The following IDO2 variants were observed in gnomAD, a reference collection of about 807,000 sequenced individuals.
The protein encoded by IDO2 is indoleamine 2,3-dioxygenase 2.
IDO2 carries 46 observed loss-of-function variants against 45.1 expected under a neutral mutation model. That is an observed-to-expected ratio of 1.02 (90% CI 0.80 to 1.30). The LOEUF (loss-of-function observed/expected upper bound fraction) is 1.30, where lower values mean the gene tolerates loss of function less well. Ranked by LOEUF, IDO2 falls within the 50% of genes most tolerant of loss-of-function variation. The pLI is 0.00. For synonymous variants in IDO2, 218 were observed against 184.9 expected, an observed-to-expected ratio of 1.18 and a Z score of -1.45; for missense variants, 544 against 491.8, an observed-to-expected ratio of 1.11 and a Z score of -1.00.
intron 1 of IDO2, among the ~76,000 whole-genome samples, chr8:39,946,052 C>T (rs1585395341): frequency 6.6e-6 from 1 of 152,316 alleles, no homozygotes; most frequent in South Asian, 2.1e-4. Context: ...GAAACTGTGG[C>T]TTAGGAGTCA....
chr8:39,948,576 C>T (rs894389026), intron 1 of IDO2, among the ~76,000 whole-genome samples: 28 of 152,130 alleles, frequency 1.8e-4, no homozygotes, highest in African/African-American at 6.5e-4. Flanking sequence ...GGATCACTAA[C>T]GCGACATTTT....
chr8:39,989,752 A>G (rs1234649121), exon 8 of IDO2: 2 of 1,600,962 alleles, frequency 1.2e-6, no homozygotes, highest in African/African-American at 2.7e-5. Flanking sequence ...GCTATCTTGC[A>G]GCCCAACCAG....
At chr8:39,936,475 C>A (rs916512544) in intron 1 of IDO2, among the ~76,000 whole-genome samples, 1 of 152,128 alleles carries the variant, frequency 6.6e-6, no homozygotes, top group Non-Finnish European at 1.5e-5. Context: ...GCTGTCAAAT[C>A]TAGTTTCTCA....
chr8:39,961,069 C>G (rs189014682), intron 2 of IDO2, among the ~76,000 whole-genome samples: 47 of 152,290 alleles, frequency 3.1e-4, no homozygotes, highest in Admixed American at 7.2e-4. Flanking sequence ...AGGCGTGAGC[C>G]ACCGCACCTG....
At chr8:39,944,356 C>G (rs1340482865) in intron 1 of IDO2, among the ~76,000 whole-genome samples, 1 of 152,158 alleles carries the variant, frequency 6.6e-6, no homozygotes, top group Non-Finnish European at 1.5e-5. Flanking sequence ...ATGTGAGTCT[C>G]TGTTCTGTAA....
intron 5 of IDO2, among the ~76,000 whole-genome samples, chr8:39,984,379 G>T (rs1024614466): frequency 6.6e-6 from 1 of 152,230 alleles, no homozygotes; most frequent in Non-Finnish European, 1.5e-5. Context: ...GGAGGCTGAG[G>T]CAGGAGAATC....
At chr8:39,987,900 G>T in exon 7 of IDO2, 1 of 1,610,950 alleles carries the variant, frequency 6.2e-7, no homozygotes. Flanking sequence ...TCATTTCCTG[G>T]GGGAGAGAGC....
At chr8:40,008,753 T>C (rs940285682) in intron 9 of IDO2, among the ~76,000 whole-genome samples, 2 of 152,214 alleles carry the variant, frequency 1.3e-5, no homozygotes, top group Non-Finnish European at 2.9e-5. Flanking sequence ...TAGAAGGTGA[T>C]TTTACTTTCA....
chr8:40,007,421 G>A (rs1261888758), intron 9 of IDO2, among the ~76,000 whole-genome samples: 2 of 152,036 alleles, frequency 1.3e-5, no homozygotes, highest in African/African-American at 4.8e-5. Flanking sequence ...AAGCAAGAAG[G>A]TTTCCAAGAT....
intron 4 of IDO2, among the ~76,000 whole-genome samples, chr8:39,979,441 C>T (rs887788425): frequency 1.3e-5 from 2 of 152,000 alleles, no homozygotes; most frequent in Non-Finnish European, 2.9e-5. Context: ...TGCAACCTCC[C>T]CTTCCAGGTT....
At chr8:40,001,237 CT>C (rs1306800265) in intron 8 of IDO2, among the ~76,000 whole-genome samples, 1 of 138,304 alleles carries the variant, frequency 7.2e-6, no homozygotes, top group African/African-American at 2.7e-5. Flanking sequence ...AAATATGTGG[CT>C]TTCCTCATTT....
chr8:39,953,292 T>C (rs979650355), intron 2 of IDO2, among the ~76,000 whole-genome samples: 4 of 152,190 alleles, frequency 2.6e-5, no homozygotes, highest in Non-Finnish European at 5.9e-5. Context: ...CAAGGTGGTT[T>C]AGAGTTGTTG....
At chr8:40,002,987 T>C (rs1032433048) in intron 8 of IDO2, among the ~76,000 whole-genome samples, 2 of 152,180 alleles carry the variant, frequency 1.3e-5, no homozygotes, top group African/African-American at 4.8e-5. Flanking sequence ...AATCATTTCT[T>C]CATATGGCTC....
At chr8:39,964,439 A>G (rs1224611256) in intron 3 of IDO2, among the ~76,000 whole-genome samples, 1 of 152,218 alleles carries the variant, frequency 6.6e-6, no homozygotes, top group African/African-American at 2.4e-5. Flanking sequence ...AGCATTCAGT[A>G]TACATTCATT....
At chr8:39,994,587 AG>A (rs1802001876) in intron 8 of IDO2, among the ~76,000 whole-genome samples, 1 of 152,078 alleles carries the variant, frequency 6.6e-6, no homozygotes, top group Non-Finnish European at 1.5e-5. Flanking sequence ...TTAGAAAGTG[AG>A]GAAGTTACTA....
chr8:39,972,637 T>C (rs1468385904), intron 3 of IDO2, among the ~76,000 whole-genome samples: 1 of 76,136 alleles, frequency 1.3e-5, no homozygotes. Context: ...AAAAAAAAAG[T>C]TCTACTGGGG....
intron 3 of IDO2, among the ~76,000 whole-genome samples, chr8:39,978,755 C>G (rs923757042): frequency 2.6e-5 from 4 of 151,992 alleles, no homozygotes; most frequent in African/African-American, 9.7e-5. Flanking sequence ...GTTAAGTATC[C>G]TACAACATTC....
At chr8:40,015,691 C>T in exon 11 of IDO2, 2 of 898,646 alleles carry the variant, frequency 2.2e-6, no homozygotes, top group South Asian at 3.2e-5. Flanking sequence ...TGGGATCATC[C>T]AGGAAGGATC....
At chr8:39,951,429 C>G (rs1807813619) in intron 2 of IDO2, among the ~76,000 whole-genome samples, 1 of 152,022 alleles carries the variant, frequency 6.6e-6, no homozygotes, top group African/African-American at 2.4e-5. Flanking sequence ...GGATGGACGC[C>G]TGACATGCAA....
Sources: gnomAD v4.1 joint callset for allele counts (sites outside exome capture counted in the v4.1 genomes callset) on GRCh38, gnomAD v4.1.1 for gene constraint, MANE v1.5 for transcripts, NCBI Gene and HGNC (gene_info 2026-07-23, HGNC 2026-07-21) for gene names.